Variants in NOTCH2NLB observed in about 807,000 individuals in gnomAD.
NOTCH2NLB encodes notch homolog 2 N-terminal-like protein B.
Under a neutral mutation model 14.8 loss-of-function variants are expected in NOTCH2NLB, and 1 was observed. The observed-to-expected ratio is 0.07, with a 90% CI of 0.02 to 0.32. The LOEUF (loss-of-function observed/expected upper bound fraction) is 0.32, where lower values mean the gene tolerates loss of function less well. NOTCH2NLB is among the 10% of genes least tolerant of loss of function. NOTCH2NLB has a pLI of 1.00. For synonymous variants in NOTCH2NLB, 6 were observed against 57.5 expected (o/e 0.10, Z 4.05); for missense variants, 11 against 155.0 (o/e 0.07, Z 4.93).
At chr1:148,698,254 AAAAC>A in the NOTCH2NLB span, among the ~76,000 whole-genome samples, 5 of 62,828 alleles carry the variant, frequency 8.0e-5, no homozygotes, top group Admixed American at 6.6e-4. Flanking sequence ...GCCAAAACCA[AAAAC>A]AAACAAACAA....
At chr1:148,685,557 GACTC>G in the NOTCH2NLB span, among the ~76,000 whole-genome samples, 3 of 152,380 alleles carry the variant, frequency 2.0e-5, no homozygotes, top group East Asian at 5.8e-4. Flanking sequence ...CAGGCACAAT[GACTC>G]ACACCTGTAA....
intron 1 of NOTCH2NLB, among the ~76,000 whole-genome samples, chr1:148,670,535 A>ATAT (rs1347581270): frequency 0.042 from 2,429 of 57,420 alleles, 34 homozygotes; most frequent in South Asian, 0.052. Flanking sequence ...AAACTAAAAA[A>ATAT]AAAAATATAT....
chr1:148,625,390 C>A (rs1434022614), intron 2 of NOTCH2NLB, among the ~76,000 whole-genome samples: 1 of 84,178 alleles, frequency 1.2e-5, no homozygotes, highest in East Asian at 6.0e-4. Flanking sequence ...CAAGAAACAA[C>A]AACAATAACA....
downstream of NOTCH2NLB, among the ~76,000 whole-genome samples, chr1:148,603,894 G>GA (rs1227426078): frequency 8.4e-6 from 1 of 118,936 alleles, no homozygotes; most frequent in Non-Finnish European, 1.8e-5. Context: ...CCTTTGCAGG[G>GA]AAAAAATTGT....
Position 148,610,004 on chromosome 1 carries a change from C to T in NOTCH2NLB, c.338-2259G>A, listed in dbSNP as rs1489359147. ...CCCACAACTGAAACAGAAAGATCCC[C>T]GGACCGGAAGTGGTGGCTGATGCCT... is the stretch of plus-strand genomic sequence containing the variant. On this transcript the variant is annotated intron_variant, in intron 3 of 4. Transcript: ENST00000593495. Among the ~76,000 whole-genome samples, 13 of 142,998 alleles carry T rather than the reference C, an allele frequency of 9.1e-5. 1 individual carries two copies. In the East Asian group the frequency reaches 1.8e-3, roughly 19 times the overall value. The allele number at this position is 142,998 out of a possible 152,430, so 93.8% of individuals were successfully genotyped here. A position where few individuals can be genotyped will look rare whatever the true frequency, so the allele number is the denominator to read the frequency against.
intron 3 of NOTCH2NLB, among the ~76,000 whole-genome samples, chr1:148,610,892 CAAAAAAAAA>C (rs1213221121): frequency 2.9e-5 from 1 of 34,308 alleles, no homozygotes; most frequent in African/African-American, 1.6e-4. Context: ...TACTCCATCT[CAAAAAAAAA>C]AAAAAAAAAA....
intron 3 of NOTCH2NLB, among the ~76,000 whole-genome samples, chr1:148,610,105 T>C (rs1452596702): frequency 1.5e-4 from 21 of 139,412 alleles, no homozygotes; most frequent in South Asian, 2.3e-4. Context: ...CTGGCCAACA[T>C]GGTGAAACGC....
chr1:148,673,790 C>CA (rs1179740849), intron 1 of NOTCH2NLB, among the ~76,000 whole-genome samples: 1 of 146,920 alleles, frequency 6.8e-6, no homozygotes, highest in African/African-American at 2.5e-5. Flanking sequence ...CTAATACTCT[C>CA]AAAAAACAAA....
the NOTCH2NLB span, among the ~76,000 whole-genome samples, chr1:148,691,847 C>T: frequency 5.0e-5 from 5 of 99,664 alleles, 2 homozygotes; most frequent in African/African-American, 2.2e-4. Context: ...GAGCCTGACA[C>T]CCCCCCCGCT....
At chr1:148,627,628 C>A (rs1182638743) in intron 2 of NOTCH2NLB, among the ~76,000 whole-genome samples, 99 of 151,384 alleles carry the variant, frequency 6.5e-4, no homozygotes, top group Non-Finnish European at 1.1e-3. Flanking sequence ...TCAGTCAGCC[C>A]AAAATGCTTT....
chr1:148,680,046 G>GT (rs1159416569), upstream of NOTCH2NLB, among the ~76,000 whole-genome samples: 90 of 39,494 alleles, frequency 2.3e-3, 1 homozygote, highest in Middle Eastern at 0.022. Context: ...GGTGAGGGGG[G>GT]TGGGGTAGGA....
At chr1:148,645,602 G>A (rs1272011861) in intron 1 of NOTCH2NLB, among the ~76,000 whole-genome samples, 139 of 148,342 alleles carry the variant, frequency 9.4e-4, no homozygotes, top group African/African-American at 3.1e-3. Context: ...TGAACAGATC[G>A]TCATTGAACT....
chr1:148,600,319 TAAA>T, the NOTCH2NLB span, among the ~76,000 whole-genome samples: 6 of 150,672 alleles, frequency 4.0e-5, no homozygotes. Context: ...TCCATCAAGT[TAAA>T]AACATTTGGG....
chr1:148,645,500 G>C (rs1664345160), intron 1 of NOTCH2NLB, among the ~76,000 whole-genome samples: 1 of 145,056 alleles, frequency 6.9e-6, no homozygotes, highest in Admixed American at 6.8e-5. Flanking sequence ...AGGCTCCCAT[G>C]CTGGCCTTCC....
chr1:148,627,737 C>A (rs1228936612), intron 2 of NOTCH2NLB, among the ~76,000 whole-genome samples: 1 of 151,018 alleles, frequency 6.6e-6, no homozygotes, highest in East Asian at 2.0e-4. Flanking sequence ...GTTCTTATAA[C>A]CCTGAGCCTG....
rs1161476952 is a variant in NOTCH2NLB at position 148,649,640 on chromosome 1, A to C, written c.4-9551T>G. On this transcript the variant is annotated intron_variant, in intron 1 of 4. Transcript: ENST00000593495. ...ATTCTCCTGCCTCAGCCTCCCGAGTAGCTGGGACTATAGGTGCCCGCCACC... is the reference window on the plus strand; with the variant it reads ...ATTCTCCTGCCTCAGCCTCCCGAGTCGCTGGGACTATAGGTGCCCGCCACC... 3.0e-4 allele frequency among the ~76,000 whole-genome samples: 45 copies of C among 151,794 alleles called. 1 individual carries two copies. Among genetic ancestry groups the C allele is most frequent in the South Asian group, 2.7e-3 (13 of 4,792 alleles).
In NOTCH2NLB at chr1:148,636,930, T is replaced by C. The variant is rs1664213110; in HGVS notation, c.77+3086A>G. On this transcript the variant is annotated intron_variant, in intron 2 of 4. Transcript: ENST00000593495. ...CAAAAGGATGGCCTCACCAAATTTTTTCTTTCTCTCAAGGAGTTTGTTTCC... is the reference window on the plus strand; with the variant it reads ...CAAAAGGATGGCCTCACCAAATTTTCTCTTTCTCTCAAGGAGTTTGTTTCC... Among the ~76,000 whole-genome samples, 12 of 146,298 alleles carry C rather than the reference T, an allele frequency of 8.2e-5. No homozygotes were observed. In the South Asian group the frequency reaches 2.4e-3, roughly 30 times the overall value.
At chr1:148,632,357 CGT>C (rs1230901453) in intron 2 of NOTCH2NLB, among the ~76,000 whole-genome samples, 2 of 113,502 alleles carry the variant, frequency 1.8e-5, no homozygotes, top group Non-Finnish European at 3.4e-5. Context: ...CATGTGAGAC[CGT>C]GTCTCTATAA....
At chr1:148,712,521 G>T in the NOTCH2NLB span, among the ~76,000 whole-genome samples, 1 of 152,308 alleles carries the variant, frequency 6.6e-6, no homozygotes, top group Non-Finnish European at 1.5e-5. Context: ...GGGCTCCCAG[G>T]GCACTCCTAT....
Sources: allele counts gnomAD v4.1 joint callset (sites outside exome capture counted in the v4.1 genomes callset), GRCh38; gene constraint gnomAD v4.1.1; transcripts MANE v1.5; gene names NCBI Gene and HGNC (gene_info 2026-07-23, HGNC 2026-07-21).